Variants in RIN3 observed in about 807,000 individuals in gnomAD.
RIN3 encodes the protein Ras and Rab interactor 3, also known as RAB5 interacting protein 3.
RIN3 carries 54 observed loss-of-function variants against 76.3 expected under a neutral mutation model. That is an observed-to-expected ratio of 0.71 (90% CI 0.57 to 0.89). The LOEUF is 0.89. Among genes scored for constraint, RIN3 ranks in the 40% least tolerant of loss-of-function variants. RIN3 has a pLI of 0.00. For synonymous variants in RIN3, 576 were observed against 564.0 expected, an observed-to-expected ratio of 1.02 and a Z score of -0.30; for missense variants, 1,256 against 1,322.1, an observed-to-expected ratio of 0.95 and a Z score of 0.78.
At chr14:92,620,863 C>T (rs1374088498) in intron 4 of RIN3, among the ~76,000 whole-genome samples, 1 of 152,182 alleles carries the variant, frequency 6.6e-6, no homozygotes, top group Non-Finnish European at 1.5e-5. Flanking sequence ...AAGAAATTGA[C>T]TTTAGGCACA....
At chr14:92,544,021 C>A (rs141329720) in intron 1 of RIN3, among the ~76,000 whole-genome samples, 3 of 152,048 alleles carry the variant, frequency 2.0e-5, no homozygotes, top group Admixed American at 1.3e-4. Context: ...GCCTCCCCAC[C>A]CCCCCATCTC....
At position 92,664,533 on chromosome 14, in the gene RIN3, A is replaced by AT. The variant is rs58967829; in HGVS notation, c.2335+5074dup. Among the ~76,000 whole-genome samples the AT allele has an allele frequency of 8.7e-3, 1,276 of 147,482 alleles. 10 individuals carry two copies. The highest frequency in any genetic ancestry group is 0.018 in the African/African-American group (710 of 40,286). ...CAGGTGGCTGCCACCATGCCCAGCTATTTTTTTTTTGTATTTTTAGTAGAA... is the reference window on the plus strand; with the variant it reads ...CAGGTGGCTGCCACCATGCCCAGCTATTTTTTTTTTTGTATTTTTAGTAGAA... On this transcript the variant is annotated intron_variant, in intron 7 of 9. Transcript: ENST00000216487.
At chr14:92,672,222 A>G (rs1445329217) in intron 7 of RIN3, among the ~76,000 whole-genome samples, 2 of 151,944 alleles carry the variant, frequency 1.3e-5, no homozygotes, top group African/African-American at 2.4e-5. Context: ...CCTGTCCGAC[A>G]TGGCAAAATC....
chr14:92,578,816 C>G (rs1898340757), intron 3 of RIN3, among the ~76,000 whole-genome samples: 1 of 152,134 alleles, frequency 6.6e-6, no homozygotes, highest in African/African-American at 2.4e-5. Flanking sequence ...ACCTCAAACA[C>G]CAATCTTAGG....
At chr14:92,663,927 C>T (rs1206273544) in intron 7 of RIN3, among the ~76,000 whole-genome samples, 1 of 152,140 alleles carries the variant, frequency 6.6e-6, no homozygotes, top group Non-Finnish European at 1.5e-5. Flanking sequence ...ACTTCCTGAG[C>T]CTCGGTTTTC....
Position 92,652,411 on chromosome 14 carries a change from A to T in RIN3, c.1362A>T (p.Lys454Asn). 1 of 1,612,978 alleles carries T rather than the reference A, an allele frequency of 6.2e-7. No individual in the cohort carries two copies. Residue 454 changes from lysine (K) to asparagine (N), a missense_variant, in exon 6 of 10, where the codon AAA (lysine) becomes AAT (asparagine). Around this residue, in one of 3 missense-constraint regions of RIN3, gnomAD observed 610 missense variants for 626.4 expected, o/e 0.97. Transcript: ENST00000216487. This position sits in a 1 kb window ranked among gnomAD's most constrained non-coding sequence, Gnocchi z 6.4. Reference sequence around the variant, plus strand: ...TGCCAGAGCTGCCCAGGACAGCCAAACAACCCCCAGTCCCGCCCCCCAGGA... The same window carrying T: ...TGCCAGAGCTGCCCAGGACAGCCAATCAACCCCCAGTCCCGCCCCCCAGGA... ...HSMPELPRTA[K>N]QPPVPPPRKK... is the part of the protein sequence containing the mutation.
intron 2 of RIN3, among the ~76,000 whole-genome samples, chr14:92,561,752 A>G (rs1207714651): frequency 2.0e-5 from 3 of 152,152 alleles, no homozygotes; most frequent in Non-Finnish European, 4.4e-5. Flanking sequence ...TGGCGCGATC[A>G]TGGCTCACTG....
rs910441564 is a variant in RIN3 at position 92,654,515 on chromosome 14, G to A, written c.2026+1440G>A. Among the ~76,000 whole-genome samples the A allele has an allele frequency of 1.4e-4, 21 of 152,262 alleles. No homozygotes were observed. The South Asian group carries it at 1.4e-3, about 11-fold the overall frequency. ...CAGTGCTGGGTACGGTAAAGGACAC[G>A]TGGGCCTCTGAACACAGTAGCTTCG... On this transcript the variant is annotated intron_variant, in intron 6 of 9. Coordinates refer to ENST00000216487, the MANE Select transcript of RIN3 (RefSeq NM_024832.5).
intron 8 of RIN3, among the ~76,000 whole-genome samples, chr14:92,680,702 T>A (rs917393347): frequency 4.6e-5 from 7 of 152,182 alleles, no homozygotes; most frequent in Admixed American, 4.6e-4. Flanking sequence ...TGCCTTCCAG[T>A]GTTTCGTAGT....
intron 1 of RIN3, among the ~76,000 whole-genome samples, chr14:92,544,622 A>T (rs28386786): frequency 0.3 from 45,211 of 152,096 alleles, 7,124 homozygotes; most frequent in Middle Eastern, 0.41. Context: ...GGAACAGGCC[A>T]GGGTGCCTGG....
At chr14:92,557,419 C>T (rs1040737158) in intron 2 of RIN3, among the ~76,000 whole-genome samples, 3 of 152,230 alleles carry the variant, frequency 2.0e-5, no homozygotes, top group African/African-American at 4.8e-5. Flanking sequence ...CCCCAGCCAC[C>T]GTGCACTTTT....
intron 3 of RIN3, among the ~76,000 whole-genome samples, chr14:92,588,699 G>A (rs527641443): frequency 6.6e-6 from 1 of 152,246 alleles, no homozygotes; most frequent in East Asian, 1.9e-4. Flanking sequence ...GATCATAGCA[G>A]CATGAAAGGA....
chr14:92,521,672 A>G (rs2139993480), intron 1 of RIN3, among the ~76,000 whole-genome samples: 1 of 152,306 alleles, frequency 6.6e-6, no homozygotes, highest in South Asian at 2.1e-4. Flanking sequence ...CTGGCACCAT[A>G]CTTCTCATAC....
At chr14:92,565,060 C>A (rs895414337) in intron 2 of RIN3, among the ~76,000 whole-genome samples, 1 of 152,160 alleles carries the variant, frequency 6.6e-6, no homozygotes, top group Admixed American at 6.5e-5. Flanking sequence ...ACAAAGGTGG[C>A]CCCGGCACTG....
chr14:92,527,713 C>T (rs563385628), intron 1 of RIN3, among the ~76,000 whole-genome samples: 26 of 152,176 alleles, frequency 1.7e-4, no homozygotes, highest in Non-Finnish European at 3.4e-4. Context: ...TTCGTCCCTA[C>T]GTTCTGCCGT....
chr14:92,659,665 C>A, intron 7 of RIN3, 196 bp downstream of exon 7: 1 of 494,406 alleles, frequency 2.0e-6, no homozygotes, highest in Non-Finnish European at 3.5e-6. Flanking sequence ...GGGAGGAGAG[C>A]CATGATCGGC....
At chr14:92,616,191 G>C (rs902357336) in intron 4 of RIN3, among the ~76,000 whole-genome samples, 1 of 152,122 alleles carries the variant, frequency 6.6e-6, no homozygotes, top group African/African-American at 2.4e-5. Context: ...GAGGGTGTCC[G>C]GGTTCTTGGT....
intron 1 of RIN3, among the ~76,000 whole-genome samples, chr14:92,541,604 A>G (rs1431780966): frequency 6.6e-6 from 1 of 152,252 alleles, no homozygotes; most frequent in African/African-American, 2.4e-5. Flanking sequence ...GGATATCCAC[A>G]TGCAAAAGAA....
chr14:92,681,520 CAT>C lies in RIN3; in HGVS notation c.2468-3465_2468-3464del, dbSNP rs1360499649. ...ATGTTTGCAGATAAGGAAACTGAGG[CAT>C]AGAGAGGCCATTAGCTCACCTGAAT... On this transcript the variant is annotated intron_variant, in intron 8 of 9. Transcript: ENST00000216487. This position sits in a 1 kb window ranked among gnomAD's most constrained non-coding sequence, Gnocchi z 4.7. Among the ~76,000 whole-genome samples the C allele has an allele frequency of 3.3e-5, 5 of 152,338 alleles. No individual in the cohort carries two copies. Among genetic ancestry groups the C allele is most frequent in the Middle Eastern group, 6.8e-3 (2 of 294 alleles).
Sources: gnomAD v4.1 joint callset for allele counts (sites outside exome capture counted in the v4.1 genomes callset) on GRCh38, gnomAD v4.1.1 for gene constraint, gnomAD v4.1.1 regional missense constraint, Gnocchi (gnomAD v3.1) non-coding constraint, MANE v1.5 for transcripts, NCBI Gene and HGNC (gene_info 2026-07-23, HGNC 2026-07-21) for gene names.